Variants in C8orf34 observed in about 807,000 individuals in gnomAD.
C8orf34 encodes chromosome 8 open reading frame 34.
A neutral mutation model predicts 68.3 loss-of-function variants in C8orf34; 65 were observed. The ratio of observed to expected loss-of-function variants is 0.95; its 90% confidence interval spans 0.78 to 1.17. C8orf34 has a LOEUF of 1.17. Ranked by LOEUF, C8orf34 falls within the 50% of genes most tolerant of loss-of-function variation. C8orf34 has a pLI of 0.00. For missense variants in C8orf34, 664 were observed against 655.4 expected, an observed-to-expected ratio of 1.01 and a Z score of -0.14; for synonymous variants, 244 against 241.2, an observed-to-expected ratio of 1.01 and a Z score of -0.11.
intron 12 of C8orf34, chr8:68,791,335 G>A (rs1044336584): frequency 5.9e-6 from 1 of 168,862 alleles, no homozygotes; most frequent in Non-Finnish European, 1.3e-5. Context: ...AGAACAACAA[G>A]GGGGATATCT....
chr8:68,629,205 A>G (rs1818620407), intron 7 of C8orf34, among the ~76,000 whole-genome samples: 1 of 152,110 alleles, frequency 6.6e-6, no homozygotes, highest in Non-Finnish European at 1.5e-5. Flanking sequence ...CTCCATTCCA[A>G]ACTCCTTCAC....
At position 68,640,470 on chromosome 8, in the gene C8orf34, T is replaced by C. The variant is rs1437410328; in HGVS notation, c.1200T>C (p.Pro400=). The change falls in exon 8 of 14, where the codon CCT becomes CCC. Residue 400 remains proline (P), a synonymous_variant. Coordinates refer to ENST00000518698, the MANE Select transcript of C8orf34 (RefSeq NM_052958.4). ...GCCGTCCTACTTACCCTGCTGAGCC[T>C]CAGGCCAAGGTCACACTGAACATCT... ...NQGRPTYPAE[P]QAKVTLNICS... is the part of the protein sequence containing the mutation. The C allele has an allele frequency of 6.2e-7, 1 of 1,613,942 alleles. No individual in the cohort carries two copies. The highest frequency in any genetic ancestry group is 2.2e-5 in the East Asian group (1 of 44,866).
At chr8:68,552,650 T>G (rs1816111496) in intron 7 of C8orf34, among the ~76,000 whole-genome samples, 1 of 152,106 alleles carries the variant, frequency 6.6e-6, no homozygotes, top group Non-Finnish European at 1.5e-5. Context: ...CCTTGTACTG[T>G]AATTTAGGGG....
At chr8:68,628,020 G>A (rs907098125) in intron 7 of C8orf34, among the ~76,000 whole-genome samples, 4 of 152,072 alleles carry the variant, frequency 2.6e-5, no homozygotes, top group Non-Finnish European at 4.4e-5. Context: ...AACTTAATTA[G>A]TCTAATCACT....
chr8:68,336,022 G>C (rs138714482), intron 1 of C8orf34, among the ~76,000 whole-genome samples: 2 of 152,174 alleles, frequency 1.3e-5, no homozygotes, highest in African/African-American at 4.8e-5. Flanking sequence ...AGGAAGTGGA[G>C]GTTGCAGTGA....
At chr8:68,740,431 G>T (rs1822248317) in intron 10 of C8orf34, among the ~76,000 whole-genome samples, 1 of 151,962 alleles carries the variant, frequency 6.6e-6, no homozygotes, top group Admixed American at 6.6e-5. Context: ...AAGTGGGCAT[G>T]AACAGACACT....
At chr8:68,602,578 C>G (rs1379778855) in intron 7 of C8orf34, among the ~76,000 whole-genome samples, 1 of 152,058 alleles carries the variant, frequency 6.6e-6, no homozygotes, top group Non-Finnish European at 1.5e-5. Context: ...AGGTCCCTCC[C>G]ACAACACATG....
chr8:68,468,594 A>C (rs1166049754), intron 3 of C8orf34, 98 bp from the exon 4 acceptor site: 10 of 1,203,088 alleles, frequency 8.3e-6, no homozygotes, highest in Middle Eastern at 2.2e-4. Flanking sequence ...TTTTTATTCT[A>C]TACATTGATC....
At chr8:68,724,738 T>C (rs1821777536) in intron 10 of C8orf34, among the ~76,000 whole-genome samples, 2 of 152,108 alleles carry the variant, frequency 1.3e-5, no homozygotes, top group African/African-American at 4.8e-5. Flanking sequence ...GAAAAGAAAA[T>C]ACCAAATAGG....
At chr8:68,629,113 A>G (rs1818617885) in intron 7 of C8orf34, among the ~76,000 whole-genome samples, 1 of 152,212 alleles carries the variant, frequency 6.6e-6, no homozygotes, top group Non-Finnish European at 1.5e-5. Context: ...ACTTGTAAAA[A>G]TAGTTGCAAG....
chr8:68,376,371 A>G, intron 1 of C8orf34, among the ~76,000 whole-genome samples: 1 of 152,158 alleles, frequency 6.6e-6, no homozygotes, highest in Non-Finnish European at 1.5e-5. Flanking sequence ...GAAGCTGAGC[A>G]CAGGATTTGG....
intron 7 of C8orf34, 190 bp downstream of exon 7, chr8:68,533,339 A>C: frequency 7.5e-7 from 1 of 1,337,184 alleles, no homozygotes; most frequent in Non-Finnish European, 9.5e-7. Context: ...CCCTAAGCAT[A>C]TGAATATTTA....
At chr8:68,457,515 T>C (rs1394597325) in intron 3 of C8orf34, among the ~76,000 whole-genome samples, 2 of 152,214 alleles carry the variant, frequency 1.3e-5, no homozygotes, top group African/African-American at 4.8e-5. Flanking sequence ...AGGAAATATA[T>C]AGGCAGTATC....
intron 1 of C8orf34, among the ~76,000 whole-genome samples, chr8:68,376,181 A>C (rs1397222989): frequency 1.8e-5 from 1 of 55,568 alleles, no homozygotes; most frequent in African/African-American, 1.1e-4. Context: ...CAGAAAAGGC[A>C]GACATAAAAT....
At chr8:68,331,783 C>CTTTTTT (rs552564162) in intron 1 of C8orf34, among the ~76,000 whole-genome samples, 444 of 29,478 alleles carry the variant, frequency 0.015, 103 homozygotes, top group Non-Finnish European at 0.019. Flanking sequence ...TTCTTTCCTT[C>CTTTTTT]TTTTTTTTTT....
intron 9 of C8orf34, among the ~76,000 whole-genome samples, chr8:68,709,485 G>A (rs1025020077): frequency 3.9e-5 from 6 of 152,052 alleles, no homozygotes; most frequent in Admixed American, 2.0e-4. Context: ...CATTGATCCA[G>A]TCATTCTTCT....
chr8:68,609,395 A>C (rs1817946603), intron 7 of C8orf34, among the ~76,000 whole-genome samples: 1 of 152,164 alleles, frequency 6.6e-6, no homozygotes, highest in South Asian at 2.1e-4. Context: ...CCAGGAGAGA[A>C]CAGAGAATAA....
intron 1 of C8orf34, among the ~76,000 whole-genome samples, chr8:68,375,431 AT>A: frequency 1.3e-5 from 2 of 152,354 alleles, no homozygotes; most frequent in South Asian, 4.1e-4. Context: ...TCCCTAACAA[AT>A]AGTCATGTAC....
intron 6 of C8orf34, among the ~76,000 whole-genome samples, chr8:68,526,793 G>T (rs182989665): frequency 1.3e-5 from 2 of 151,840 alleles, no homozygotes; most frequent in Non-Finnish European, 2.9e-5. Flanking sequence ...CAAAAAGAAC[G>T]CATGGAATCA....
Sources: gnomAD v4.1 joint callset for allele counts (sites outside exome capture counted in the v4.1 genomes callset) on GRCh38, gnomAD v4.1.1 for gene constraint, MANE v1.5 for transcripts, NCBI Gene and HGNC (gene_info 2026-07-23, HGNC 2026-07-21) for gene names.